GABBR2: variants seen among roughly 807,000 people sequenced by gnomAD.
The protein encoded by GABBR2 is gamma-aminobutyric acid type B receptor subunit 2.
A neutral mutation model predicts 105.6 loss-of-function variants in GABBR2; 23 were observed. The ratio of observed to expected loss-of-function variants is 0.22; its 90% CI spans 0.16 to 0.31. The LOEUF (loss-of-function observed/expected upper bound fraction) is 0.31, where lower values mean the gene tolerates loss of function less well. Ranked by LOEUF, GABBR2 falls within the 10% of genes least tolerant of loss-of-function variation. The probability of loss-of-function intolerance (pLI) is 1.00; values close to 1 mark genes in which losing one functional copy is unlikely to be tolerated. For missense variants in GABBR2, 734 were observed against 1,245.5 expected, an observed-to-expected ratio of 0.59 and a Z score of 6.18; for synonymous variants, 478 against 499.7, an observed-to-expected ratio of 0.96 and a Z score of 0.58.
At chr9:98,476,079 A>C (rs1324550837) in intron 5 of GABBR2, among the ~76,000 whole-genome samples, 1 of 152,198 alleles carries the variant, frequency 6.6e-6, no homozygotes, top group Non-Finnish European at 1.5e-5. Context: ...ACAAACAAAC[A>C]AACAAAAAAA....
intron 3 of GABBR2, among the ~76,000 whole-genome samples, chr9:98,512,986 C>T (rs1053724330): frequency 7.3e-4 from 110 of 151,110 alleles, no homozygotes; most frequent in African/African-American, 2.4e-3. Context: ...GGAGGCATCA[C>T]GCTACCTGAC....
rs145486426 is a variant in GABBR2, at chr9:98,608,124, G to A, written c.322-30052C>T. 1.6e-5 allele frequency: 20 copies of A among 1,283,256 alleles called. No individual in the cohort carries two copies. In the East Asian group the frequency reaches 4.3e-4, roughly 28 times the overall value. 79.5% of individuals were successfully genotyped at this position (1,283,256 alleles called of 1,614,324 possible). A position where few individuals can be genotyped will look rare whatever the true frequency, so the allele number is the denominator to read the frequency against. ...TTGGAAAAGAACAAGAAGAAAGGAA[G>A]ATCTTTTAAACTCTCTATTGACCAC... On this transcript the variant is annotated intron_variant, in intron 1 of 18. Coordinates refer to ENST00000259455, the MANE Select transcript of GABBR2 (RefSeq NM_005458.8).
At chr9:98,322,062 G>T (rs1182325280) in intron 13 of GABBR2, among the ~76,000 whole-genome samples, 1 of 151,936 alleles carries the variant, frequency 6.6e-6, no homozygotes, top group Non-Finnish European at 1.5e-5. Context: ...TAGTTCTGCT[G>T]AATTGCTCCC....
chr9:98,440,720 G>A (rs562903500), intron 7 of GABBR2, among the ~76,000 whole-genome samples: 1 of 152,210 alleles, frequency 6.6e-6, no homozygotes, highest in African/African-American at 2.4e-5. Flanking sequence ...ACGCAGGTCT[G>A]GTTCTCATCC....
At chr9:98,698,179 C>A (rs571213238) in intron 1 of GABBR2, among the ~76,000 whole-genome samples, 1 of 152,180 alleles carries the variant, frequency 6.6e-6, no homozygotes, top group African/African-American at 2.4e-5. Flanking sequence ...TAGATTTTAT[C>A]TGAACAGTGA....
rs574971375 is a variant in GABBR2 at position 98,524,082 on chromosome 9, G to A, written c.630+17791C>T. Among the ~76,000 whole-genome samples the A allele has an allele frequency of 2.0e-3, 310 of 152,180 alleles. 4 individuals carry two copies. Among genetic ancestry groups the A allele is most frequent in the African/African-American group, 6.8e-3 (283 of 41,538 alleles). ...GATCCCAAAGAAATGGACTATTTTTGAGAAAATATGTTACTAAATCCATTT... is the reference window on the plus strand; with the variant it reads ...GATCCCAAAGAAATGGACTATTTTTAAGAAAATATGTTACTAAATCCATTT... On this transcript the variant is annotated intron_variant, in intron 3 of 18. Transcript: ENST00000259455.
intron 7 of GABBR2, among the ~76,000 whole-genome samples, chr9:98,415,747 A>G (rs372671185): frequency 1.2e-4 from 19 of 152,340 alleles, no homozygotes; most frequent in East Asian, 9.6e-4. Context: ...AGGAAACTGG[A>G]AACTGAGAGC....
intron 7 of GABBR2, among the ~76,000 whole-genome samples, chr9:98,420,639 G>A (rs1832766656): frequency 6.6e-6 from 1 of 152,214 alleles, no homozygotes; most frequent in Non-Finnish European, 1.5e-5. Flanking sequence ...TGCCCTGATT[G>A]GCAGAGGGCC....
chr9:98,500,634 A>G (rs1827379625), intron 3 of GABBR2, among the ~76,000 whole-genome samples: 1 of 152,376 alleles, frequency 6.6e-6, no homozygotes, highest in East Asian at 1.9e-4. Context: ...GACATTCGGC[A>G]TGGAGAGAAT....
intron 14 of GABBR2, among the ~76,000 whole-genome samples, chr9:98,309,433 T>A (rs909573442): frequency 6.6e-6 from 1 of 152,194 alleles, no homozygotes; most frequent in African/African-American, 2.4e-5. Context: ...TCAACCAGGG[T>A]CAGGGAGGCA....
chr9:98,493,831 C>G (rs7861346), intron 4 of GABBR2, among the ~76,000 whole-genome samples: 55,385 of 151,968 alleles, frequency 0.36, 11,225 homozygotes, highest in East Asian at 0.58. Context: ...GAGCAAATTA[C>G]GTTGGGTTTT....
At chr9:98,636,938 G>C (rs1588262885) in intron 1 of GABBR2, among the ~76,000 whole-genome samples, 2 of 152,078 alleles carry the variant, frequency 1.3e-5, no homozygotes, top group African/African-American at 4.8e-5. Flanking sequence ...GGAAGACTCT[G>C]GTTTGGTGGG....
intron 3 of GABBR2, among the ~76,000 whole-genome samples, chr9:98,498,971 C>T (rs1408233143): frequency 1.3e-5 from 2 of 152,256 alleles, no homozygotes; most frequent in Non-Finnish European, 2.9e-5. Context: ...AGCCTTGGCT[C>T]TCCACTTGCA....
rs557389619 is a variant in GABBR2 at position 98,421,431 on chromosome 9, C to T, written c.1237-15290G>A. ...TATTCCATTAGTAAGGAACTGTACT[C>T]ATTCAGGAATAAAATTAAAACTTTA... On this transcript the variant is annotated intron_variant, in intron 7 of 18. Transcript: ENST00000259455. 1.3e-4 allele frequency among the ~76,000 whole-genome samples: 20 copies of T among 152,264 alleles called. No individual in the cohort carries two copies. The South Asian group carries it at 1.9e-3, about 14-fold the overall frequency.
At chr9:98,467,199 C>T (rs1209098599) in intron 6 of GABBR2, among the ~76,000 whole-genome samples, 1 of 152,022 alleles carries the variant, frequency 6.6e-6, no homozygotes, top group Non-Finnish European at 1.5e-5. Context: ...ACCAGAGTTG[C>T]GTTATGAACT....
intron 2 of GABBR2, among the ~76,000 whole-genome samples, chr9:98,562,715 A>T (rs962024664): frequency 6.6e-6 from 1 of 152,220 alleles, no homozygotes; most frequent in Admixed American, 6.5e-5. Context: ...GTTGCAGGTT[A>T]AAGTAACTTT....
At chr9:98,378,103 A>G (rs7029062) in intron 11 of GABBR2, among the ~76,000 whole-genome samples, 31,147 of 152,206 alleles carry the variant, frequency 0.2, 4,701 homozygotes, top group African/African-American at 0.42. Flanking sequence ...CCACAGATTT[A>G]TGGCCTTTTA....
chr9:98,427,166 GAACA>G (rs1372221172), intron 7 of GABBR2, among the ~76,000 whole-genome samples: 5 of 152,190 alleles, frequency 3.3e-5, no homozygotes, highest in Non-Finnish European at 5.9e-5. Flanking sequence ...AGCAGACTAT[GAACA>G]AACACAGTTG....
intron 7 of GABBR2, among the ~76,000 whole-genome samples, chr9:98,410,723 A>G (rs935012172): frequency 6.6e-6 from 1 of 151,920 alleles, no homozygotes; most frequent in Non-Finnish European, 1.5e-5. Flanking sequence ...CTTTCCCTCC[A>G]TTATTTCATT....
Sources: allele counts gnomAD v4.1 joint callset (sites outside exome capture counted in the v4.1 genomes callset), GRCh38; gene constraint gnomAD v4.1.1; transcripts MANE v1.5; gene names NCBI Gene and HGNC (gene_info 2026-07-23, HGNC 2026-07-21).